The following UBL3 variants were observed in gnomAD, a reference collection of about 807,000 sequenced individuals.
The protein encoded by UBL3 is ubiquitin like 3.
UBL3 carries 6 observed loss-of-function variants against 18.4 expected under a neutral mutation model. The ratio of observed to expected loss-of-function variants is 0.33; its 90% CI spans 0.18 to 0.64. The LOEUF (loss-of-function observed/expected upper bound fraction) is 0.64. UBL3 is among the 30% of genes least tolerant of loss of function. The probability of loss-of-function intolerance (pLI) is 0.76; values close to 1 mark genes in which losing one functional copy is unlikely to be tolerated. For missense variants in UBL3, 109 were observed against 142.9 expected, an observed-to-expected ratio of 0.76 and a Z score of 1.21; for synonymous variants, 49 against 46.6, an observed-to-expected ratio of 1.05 and a Z score of -0.21.
rs777840058 is a variant in UBL3, at chr13:29,835,107, A to AATAT, written c.27+14401_27+14404dup. 4.0e-3 allele frequency among the ~76,000 whole-genome samples: 95 copies of AATAT among 23,792 alleles called. 2 individuals carry two copies. Among genetic ancestry groups the AATAT allele is most frequent in the Non-Finnish European group, 6.0e-3 (84 of 14,030 alleles). The allele number at this position is 23,792 out of a possible 152,430, so 15.6% of individuals were successfully genotyped here. A position where few individuals can be genotyped will look rare whatever the true frequency, so the allele number is the denominator to read the frequency against. ...AAATATAAATATATATATATATATA[A>AATAT]ATATATATATATATATAAATATATA... On this transcript the variant is annotated intron_variant, in intron 1 of 4. Coordinates refer to ENST00000380680, the MANE Select transcript of UBL3 (RefSeq NM_007106.4).
At chr13:29,824,283 A>G (rs1381551099) in intron 1 of UBL3, among the ~76,000 whole-genome samples, 2 of 152,198 alleles carry the variant, frequency 1.3e-5, no homozygotes, top group Non-Finnish European at 2.9e-5. Context: ...GAATCACCAC[A>G]CTGTCTTCCA....
chr13:29,796,759 G>A (rs552661057), intron 1 of UBL3, among the ~76,000 whole-genome samples: 2 of 152,274 alleles, frequency 1.3e-5, no homozygotes, highest in South Asian at 4.1e-4. Context: ...TCTTTTAGGT[G>A]ATAAAATGAT....
chr13:29,777,118 C>A (rs927846053), intron 2 of UBL3, 37 bp downstream of exon 2: 2 of 1,471,650 alleles, frequency 1.4e-6, no homozygotes, highest in Non-Finnish European at 1.8e-6. Context: ...GCATAAGAAT[C>A]AACATTATTC....
intron 1 of UBL3, among the ~76,000 whole-genome samples, chr13:29,842,626 T>A (rs538765927): frequency 2.9e-4 from 44 of 152,330 alleles, no homozygotes; most frequent in African/African-American, 1.0e-3. Context: ...CCAGGGTGAC[T>A]GTAAGGATTA....
At chr13:29,777,109 C>T (rs775043206) in intron 2 of UBL3, 46 bp downstream of exon 2, 4 of 891,334 alleles carry the variant, frequency 4.5e-6, no homozygotes. Context: ...CAAGGTAGGG[C>T]ATAAGAATCA....
chr13:29,832,458 G>A (rs1212510621), intron 1 of UBL3, among the ~76,000 whole-genome samples: 1 of 151,524 alleles, frequency 6.6e-6, no homozygotes, highest in African/African-American at 2.4e-5. Flanking sequence ...TCAGCCTCCC[G>A]AGTAGCTGGG....
chr13:29,813,500 C>T (rs1390454889), intron 1 of UBL3, among the ~76,000 whole-genome samples: 1 of 152,070 alleles, frequency 6.6e-6, no homozygotes, highest in African/African-American at 2.4e-5. Context: ...CCTCGAGACT[C>T]TGCATTCACA....
At chr13:29,838,013 CAAGCTTT>C (rs749739460) in intron 1 of UBL3, among the ~76,000 whole-genome samples, 12 of 150,540 alleles carry the variant, frequency 8.0e-5, no homozygotes, top group Non-Finnish European at 1.6e-4. Context: ...AGATACTCTA[CAAGCTTT>C]ATGTAGATTA....
intron 3 of UBL3, among the ~76,000 whole-genome samples, chr13:29,771,143 T>C (rs1185106603): frequency 4.6e-5 from 7 of 152,034 alleles, no homozygotes; most frequent in Non-Finnish European, 8.8e-5. Flanking sequence ...AAGAATTTAA[T>C]AAATACATGC....
intron 1 of UBL3, among the ~76,000 whole-genome samples, chr13:29,815,087 C>T (rs1041130245): frequency 6.6e-6 from 1 of 152,084 alleles, no homozygotes; most frequent in African/African-American, 2.4e-5. Context: ...CTATTAGTTC[C>T]CATCCCCTAT....
chr13:29,800,688 A>G (rs887397919), intron 1 of UBL3, among the ~76,000 whole-genome samples: 1 of 152,214 alleles, frequency 6.6e-6, no homozygotes, highest in Admixed American at 6.5e-5. Flanking sequence ...TATGGATGGA[A>G]TAAGTCAAGT....
chr13:29,822,707 A>G (rs542638884), intron 1 of UBL3, among the ~76,000 whole-genome samples: 1 of 152,304 alleles, frequency 6.6e-6, no homozygotes, highest in Admixed American at 6.5e-5. Context: ...CTGGCCAAAG[A>G]CTGCATTTTA....
intron 1 of UBL3, among the ~76,000 whole-genome samples, chr13:29,833,831 A>C (rs528643300): frequency 6.6e-6 from 1 of 152,304 alleles, no homozygotes; most frequent in African/African-American, 2.4e-5. Context: ...TGCTTCATTC[A>C]CCACTATACA....
intron 1 of UBL3, among the ~76,000 whole-genome samples, chr13:29,837,466 G>A (rs1439865488): frequency 6.6e-6 from 1 of 152,098 alleles, no homozygotes; most frequent in East Asian, 1.9e-4. Context: ...AAAATCTCTA[G>A]GCTTACGAGA....
At chr13:29,772,233 C>A (rs775081058) in intron 2 of UBL3, 35 bp from the exon 3 acceptor site, 3 of 1,543,790 alleles carry the variant, frequency 1.9e-6, no homozygotes, top group Non-Finnish European at 2.7e-6. Flanking sequence ...TAGGTATATT[C>A]CAACATATAA....
rs182326520 is a variant in UBL3, at chr13:29,793,643, A to G, written c.28-16380T>C. On this transcript the variant is annotated intron_variant, in intron 1 of 4. Transcript: ENST00000380680. ...TAGCCTATACTCACTTCTATTATCT[A>G]CAATTATCTACACCTACAATCCTCA... Among the ~76,000 whole-genome samples the G allele has an allele frequency of 2.0e-5, 3 of 152,298 alleles. No homozygotes were observed. In the East Asian group the frequency reaches 5.8e-4, roughly 29 times the overall value.
chr13:29,825,527 G>A (rs1260958713), intron 1 of UBL3, among the ~76,000 whole-genome samples: 1 of 152,212 alleles, frequency 6.6e-6, no homozygotes, highest in East Asian at 1.9e-4. Flanking sequence ...GTATAAGAAT[G>A]CTTGTGATTT....
intron 1 of UBL3, among the ~76,000 whole-genome samples, chr13:29,809,449 G>C (rs1877982277): frequency 6.6e-6 from 1 of 152,188 alleles, no homozygotes; most frequent in East Asian, 1.9e-4. Context: ...TAAGGCTGAA[G>C]AGCAAGCAAG....
At chr13:29,819,904 C>T (rs566401509) in intron 1 of UBL3, among the ~76,000 whole-genome samples, 5 of 151,984 alleles carry the variant, frequency 3.3e-5, no homozygotes, top group Admixed American at 2.0e-4. Context: ...CCAATCCCTA[C>T]CCCCAAAACT....
Sources: gnomAD v4.1 joint callset for allele counts (sites outside exome capture counted in the v4.1 genomes callset) on GRCh38, gnomAD v4.1.1 for gene constraint, MANE v1.5 for transcripts, NCBI Gene and HGNC (gene_info 2026-07-23, HGNC 2026-07-21) for gene names.